The following AAK1 variants were observed in gnomAD, a reference collection of about 807,000 sequenced individuals.
AAK1 encodes AP2-associated protein kinase 1.
AAK1 carries 37 observed loss-of-function variants against 116.0 expected under a neutral mutation model. The observed-to-expected ratio is 0.32, with a 90% CI of 0.25 to 0.42. The LOEUF is 0.42. AAK1 is among the 10% of genes least tolerant of loss of function. AAK1 has a pLI of 1.00. For missense variants in AAK1, 919 were observed against 1,170.6 expected, an observed-to-expected ratio of 0.79 and a Z score of 3.14; for synonymous variants, 458 against 439.9, an observed-to-expected ratio of 1.04 and a Z score of -0.51.
chr2:69,557,653 AT>A (rs1329901682), intron 2 of AAK1, among the ~76,000 whole-genome samples: 8 of 152,034 alleles, frequency 5.3e-5, no homozygotes, highest in Non-Finnish European at 1.2e-4. Flanking sequence ...ATTGGGTGTT[AT>A]TTTCCCCTTT....
At position 69,525,062 on chromosome 2, in the gene AAK1, T is replaced by C; in HGVS notation, c.1026A>G (p.Ala342=). The C allele has an allele frequency of 1.2e-6, 2 of 1,614,014 alleles. No individual in the cohort carries two copies. The highest frequency in any genetic ancestry group is 4.5e-5 in the East Asian group (2 of 44,884). ...KLPEPVKASE[A]AAKKTQPKAR... is the part of the protein sequence containing the mutation. ...CCTTTGGCTGGGTCTTTTTTGCAGC[T>C]GCCTCACTGGCTTTCACTGGTTCAG... Residue 342 remains alanine (A), a synonymous_variant, in exon 10 of 22, where the codon GCA becomes GCG. Coordinates refer to ENST00000409085, the MANE Select transcript of AAK1 (RefSeq NM_014911.5).
At chr2:69,521,807 C>T (rs1669794669) in intron 10 of AAK1, among the ~76,000 whole-genome samples, 1 of 152,220 alleles carries the variant, frequency 6.6e-6, no homozygotes, top group South Asian at 2.1e-4. Flanking sequence ...GATCCTGCTG[C>T]TAGGAGCAGA....
chr2:69,609,920 G>A (rs955391328), intron 2 of AAK1, among the ~76,000 whole-genome samples: 1 of 151,364 alleles, frequency 6.6e-6, no homozygotes, highest in Non-Finnish European at 1.5e-5. Context: ...CATGGTGGCG[G>A]GCACCTGTAG....
chr2:69,562,443 C>T (rs1671682602), intron 2 of AAK1, among the ~76,000 whole-genome samples: 1 of 152,152 alleles, frequency 6.6e-6, no homozygotes, highest in Admixed American at 6.5e-5. Flanking sequence ...GGACTTCTAC[C>T]TGCTAAATAA....
chr2:69,625,087 A>G (rs147801734), intron 2 of AAK1, among the ~76,000 whole-genome samples: 61 of 152,344 alleles, frequency 4.0e-4, no homozygotes, highest in African/African-American at 1.4e-3. Context: ...AGAATGTGAG[A>G]CATAAAAAAA....
intron 2 of AAK1, among the ~76,000 whole-genome samples, chr2:69,560,078 T>C (rs776539789): frequency 1.6e-4 from 24 of 152,296 alleles, no homozygotes; most frequent in Non-Finnish European, 2.4e-4. Context: ...TGAAGCCACA[T>C]TGTCAAGCAT....
intron 7 of AAK1, 108 bp downstream of exon 7, chr2:69,530,517 T>G: frequency 1.2e-6 from 1 of 861,186 alleles, no homozygotes; most frequent in Non-Finnish European, 1.8e-6. Flanking sequence ...AAGTAGACCA[T>G]GATATGGTAC....
chr2:69,580,185 A>C (rs1000402168), intron 2 of AAK1, among the ~76,000 whole-genome samples: 1 of 152,160 alleles, frequency 6.6e-6, no homozygotes, highest in Non-Finnish European at 1.5e-5. Flanking sequence ...CTCCTAGACT[A>C]CTAGAATTTC....
chr2:69,556,801 G>T, intron 3 of AAK1, 59 bp downstream of exon 3: 2 of 1,364,676 alleles, frequency 1.5e-6, no homozygotes, highest in East Asian at 2.3e-5. Flanking sequence ...GCTTTCTTAT[G>T]AGAGGGTACA....
At chr2:69,625,647 C>T (rs939920960) in intron 2 of AAK1, among the ~76,000 whole-genome samples, 25 of 152,220 alleles carry the variant, frequency 1.6e-4, no homozygotes, top group South Asian at 1.2e-3. Context: ...ACTTATGTCA[C>T]GCTGCCTCTG....
At chr2:69,526,231 G>A (rs1238101841) in intron 9 of AAK1, among the ~76,000 whole-genome samples, 1 of 152,170 alleles carries the variant, frequency 6.6e-6, no homozygotes, top group East Asian at 1.9e-4. Context: ...GACTGGTCAA[G>A]CTGCATCTTC....
At chr2:69,638,619 T>A (rs1675555361) in intron 2 of AAK1, among the ~76,000 whole-genome samples, 1 of 152,186 alleles carries the variant, frequency 6.6e-6, no homozygotes, top group Non-Finnish European at 1.5e-5. Context: ...TGTGTACTGA[T>A]GAAAATGGTA....
chr2:69,587,313 A>G (rs1672813824), intron 2 of AAK1, among the ~76,000 whole-genome samples: 1 of 150,302 alleles, frequency 6.7e-6, no homozygotes, highest in Non-Finnish European at 1.5e-5. Flanking sequence ...GCATGTATAT[A>G]TACGCACATA....
At chr2:69,557,112 C>T (rs537205651) in intron 2 of AAK1, 134 bp from the exon 3 acceptor site, 1 of 665,622 alleles carries the variant, frequency 1.5e-6, no homozygotes, top group East Asian at 2.7e-5. Context: ...TAGGGCTAGC[C>T]TGTTGTAGAA....
At chr2:69,552,899 A>G (rs1011825015) in intron 3 of AAK1, among the ~76,000 whole-genome samples, 1 of 152,148 alleles carries the variant, frequency 6.6e-6, no homozygotes, top group Non-Finnish European at 1.5e-5. Flanking sequence ...CAAAAACAAA[A>G]AAGATCTTAG....
At position 69,525,110 on chromosome 2, in the gene AAK1, G is replaced by A. The variant is rs1326512819; in HGVS notation, c.978C>T (p.Asn326=). 3 of 1,613,706 alleles carry A rather than the reference G, an allele frequency of 1.9e-6. No homozygotes were observed. The highest frequency in any genetic ancestry group is 2.7e-5 in the African/African-American group (2 of 74,932). The change falls in exon 10 of 22, where the codon AAC becomes AAT. Residue 326 remains asparagine (N), a splice_region_variant and synonymous_variant. Coordinates refer to ENST00000409085, the MANE Select transcript of AAK1 (RefSeq NM_014911.5). Reference sequence around the variant, plus strand: ...CAGGAAGCTTTGCAGGAATGGGAGAGTTCTATAGAATTGCAAACAAAACAG... The same window carrying A: ...CAGGAAGCTTTGCAGGAATGGGAGAATTCTATAGAATTGCAAACAAAACAG... ...KKECPIPNVQ[N]SPIPAKLPEP...
intron 3 of AAK1, among the ~76,000 whole-genome samples, chr2:69,551,588 T>A (rs963015537): frequency 9.2e-5 from 14 of 152,300 alleles, no homozygotes; most frequent in Admixed American, 9.1e-4. Flanking sequence ...ATTATCAAGC[T>A]CAATGAGGAT....
intron 17 of AAK1, among the ~76,000 whole-genome samples, chr2:69,488,519 T>C (rs1021383469): frequency 6.6e-6 from 1 of 152,070 alleles, no homozygotes; most frequent in African/African-American, 2.4e-5. Context: ...AAGAACTACT[T>C]TAAAGTGTTG....
chr2:69,625,423 A>G (rs10164777), intron 2 of AAK1, among the ~76,000 whole-genome samples: 6 of 152,360 alleles, frequency 3.9e-5, no homozygotes, highest in African/African-American at 1.4e-4. Flanking sequence ...GTATCAAGCA[A>G]ACACCCTAAC....
Sources: gnomAD v4.1 joint callset for allele counts (sites outside exome capture counted in the v4.1 genomes callset) on GRCh38, gnomAD v4.1.1 for gene constraint, MANE v1.5 for transcripts, NCBI Gene and HGNC (gene_info 2026-07-23, HGNC 2026-07-21) for gene names.